The following NFIB variants were observed in gnomAD, a reference collection of about 807,000 sequenced individuals.
The protein encoded by NFIB is nuclear factor 1 B-type.
In NFIB, 11 loss-of-function variants were observed where a neutral mutation model predicts 61.5. The observed-to-expected ratio is 0.18, with a 90% CI of 0.11 to 0.30. The LOEUF is 0.30. NFIB is among the 10% of genes least tolerant of loss of function. NFIB has a pLI of 1.00. For missense variants in NFIB, 471 were observed against 608.9 expected (o/e 0.77, Z 2.38); for synonymous variants, 260 against 216.5 (o/e 1.20, Z -1.76).
chr9:14,155,883 C>T lies in NFIB; in HGVS notation c.627G>A (p.Glu209=). ...AGACTCCAGATTTTACAAAACTATC[C>T]TCAAGGTAACCTGAAAATAAATATT... ...DPAKNPPGYL[E]DSFVKSGVFN... The change falls in exon 4 of 11, where the codon GAG becomes GAA. Residue 209 remains glutamate, a synonymous_variant. Transcript: ENST00000380953. The T allele has an allele frequency of 6.4e-7, 1 of 1,570,594 alleles. No homozygotes were observed. The highest frequency in any genetic ancestry group is 1.2e-5 in the South Asian group (1 of 85,376).
chr9:14,213,428 A>G (rs984674123), intron 2 of NFIB, among the ~76,000 whole-genome samples: 2 of 152,208 alleles, frequency 1.3e-5, no homozygotes, highest in Non-Finnish European at 2.9e-5. Context: ...TTTAACATGC[A>G]CAAGAATCAC....
chr9:14,394,237 T>C (rs2061656996), intron 1 of NFIB, among the ~76,000 whole-genome samples: 1 of 152,180 alleles, frequency 6.6e-6, no homozygotes, highest in Non-Finnish European at 1.5e-5. Context: ...ATTATAAGGA[T>C]AACATAGGAC....
chr9:14,520,653 C>G, the NFIB span, among the ~76,000 whole-genome samples: 2 of 152,222 alleles, frequency 1.3e-5, no homozygotes, highest in Non-Finnish European at 2.9e-5. Context: ...AATTTAGCTT[C>G]TACAGAGAAC....
chr9:14,336,969 A>G (rs535495820), intron 1 of NFIB, among the ~76,000 whole-genome samples: 1 of 152,230 alleles, frequency 6.6e-6, no homozygotes, highest in East Asian at 1.9e-4. Context: ...TTTCCATAAA[A>G]CTTTATATAT....
intron 6 of NFIB, among the ~76,000 whole-genome samples, chr9:14,143,991 A>AGTGTGTGTGTGTGTGTGTGTGTGTGT (rs141101627): frequency 3.6e-4 from 48 of 134,232 alleles, no homozygotes; most frequent in African/African-American, 6.4e-4. Flanking sequence ...AAAGTGACAG[A>AGTGTGTGTGTGTGTGTGTGTGTGTGT]GTGTGTGTGT....
At position 14,125,690 on chromosome 9, in the gene NFIB, T is replaced by A; in HGVS notation, c.1002A>T (p.Pro334=). 1 of 1,614,112 alleles carries A rather than the reference T, an allele frequency of 6.2e-7. No individual in the cohort carries two copies. Among genetic ancestry groups the A allele is most frequent in the Non-Finnish European group, 8.5e-7 (1 of 1,179,996 alleles). Residue 334 remains proline (P), a synonymous_variant, in exon 7 of 11, where the codon CCA becomes CCT. Transcript: ENST00000380953. ...FSSASPQDSS[P]RLSTFPQHHH... ...GGTGCTGGGGGAAAGTGCTCAGTCT[T>A]GGGGAAGAATCCTGTGGAGATGCAG...
rs2038762257 is a variant in NFIB, at chr9:14,120,368, A to G, written c.1245+72T>C. On this transcript the variant is annotated intron_variant, in intron 8 of 10. Coordinates refer to ENST00000380953, the MANE Select transcript of NFIB (RefSeq NM_001190737.2). The surrounding 1 kb of genome is among the most constrained non-coding windows in gnomAD (Gnocchi z 4.4). ...TTCTGCCAGACACACTGTCTGACTA[A>G]CCTTTGTGTCTCAGAATTAGATCTG... The G allele has an allele frequency of 6.7e-7, 1 of 1,498,342 alleles. No homozygotes were observed. 92.8% of individuals were successfully genotyped at this position (1,498,342 alleles called of 1,614,324 possible).
chr9:14,111,910 G>GC (rs1219005042), intron 10 of NFIB, among the ~76,000 whole-genome samples: 4 of 152,068 alleles, frequency 2.6e-5, no homozygotes, highest in Non-Finnish European at 5.9e-5. Context: ...TATGCAGTCT[G>GC]CCCCCTTGGG....
Position 14,082,316 on chromosome 9 carries a change from A to G in NFIB, c.*5993T>C, listed in dbSNP as rs2032074206. ...AACCCTGGTGTGTAGCTAGCAAGCA[A>G]TAACTGACTACTCGTCACCTACAGT... is the stretch of plus-strand genomic sequence containing the variant. On this transcript the variant is annotated 3_prime_UTR_variant, in exon 11 of 11. Coordinates refer to ENST00000380953, the MANE Select transcript of NFIB (RefSeq NM_001190737.2). 1 of 205,870 alleles carries G rather than the reference A, an allele frequency of 4.9e-6. No individual in the cohort carries two copies. The highest frequency in any genetic ancestry group is 1.9e-4 in the South Asian group (1 of 5,280). 12.8% of individuals were successfully genotyped at this position (205,870 alleles called of 1,614,324 possible). A position where few individuals can be genotyped will look rare whatever the true frequency, so the allele number is the denominator to read the frequency against.
chr9:14,400,285 G>C (rs2061730178), upstream of NFIB, among the ~76,000 whole-genome samples: 1 of 152,124 alleles, frequency 6.6e-6, no homozygotes, highest in Non-Finnish European at 1.5e-5. Flanking sequence ...TTCTTAATCA[G>C]AAAGCTAAAA....
chr9:14,239,446 T>G (rs1035992290), intron 2 of NFIB, among the ~76,000 whole-genome samples: 1 of 152,180 alleles, frequency 6.6e-6, no homozygotes, highest in Admixed American at 6.5e-5. Flanking sequence ...CAGGAACTCC[T>G]GGATAGACAC....
At chr9:14,136,143 TA>T (rs1307587479) in intron 6 of NFIB, among the ~76,000 whole-genome samples, 1 of 152,206 alleles carries the variant, frequency 6.6e-6, no homozygotes, top group Non-Finnish European at 1.5e-5. Flanking sequence ...AGAACAGTGC[TA>T]AAACAGTGAA....
intron 1 of NFIB, among the ~76,000 whole-genome samples, chr9:14,383,116 T>C (rs959892058): frequency 6.6e-5 from 10 of 152,210 alleles, no homozygotes; most frequent in Non-Finnish European, 1.3e-4. Context: ...ATAGGTTCAC[T>C]CTGTCTTTGA....
intron 2 of NFIB, among the ~76,000 whole-genome samples, chr9:14,245,630 T>C (rs1280017235): frequency 2.0e-5 from 3 of 152,118 alleles, no homozygotes; most frequent in Non-Finnish European, 4.4e-5. Context: ...CCCAGCACTT[T>C]GGGAGGCAAA....
chr9:14,367,189 T>G (rs1191385524), intron 1 of NFIB, among the ~76,000 whole-genome samples: 1 of 152,156 alleles, frequency 6.6e-6, no homozygotes, highest in East Asian at 1.9e-4. Context: ...GAAGATAATG[T>G]GCATTCTTTC....
the NFIB span, among the ~76,000 whole-genome samples, chr9:14,522,297 T>C: frequency 1.3e-5 from 2 of 151,348 alleles, no homozygotes; most frequent in African/African-American, 4.8e-5. Context: ...CGTTTATGTG[T>C]GTAAACTAAT....
intron 10 of NFIB, among the ~76,000 whole-genome samples, chr9:14,112,458 CA>C (rs959825394): frequency 1.2e-4 from 18 of 151,250 alleles, no homozygotes; most frequent in Admixed American, 3.3e-4. Flanking sequence ...AAAGCAGAAC[CA>C]AAAAAAAGTG....
intron 2 of NFIB, among the ~76,000 whole-genome samples, chr9:14,212,879 T>A (rs1213111507): frequency 2.0e-5 from 3 of 152,156 alleles, no homozygotes; most frequent in Non-Finnish European, 2.9e-5. Context: ...CTCACAGAGA[T>A]TAAATGTTTT....
chr9:14,443,069 G>C, the NFIB span, among the ~76,000 whole-genome samples: 1 of 127,620 alleles, frequency 7.8e-6, no homozygotes, highest in Non-Finnish European at 1.6e-5. Flanking sequence ...CCTATATGTG[G>C]TGTTGCTTCT....
Sources: gnomAD v4.1 joint callset for allele counts (sites outside exome capture counted in the v4.1 genomes callset) on GRCh38, gnomAD v4.1.1 for gene constraint, Gnocchi (gnomAD v3.1) non-coding constraint, MANE v1.5 for transcripts, NCBI Gene and HGNC (gene_info 2026-07-23, HGNC 2026-07-21) for gene names.